The following RTN1 variants were observed in gnomAD, a reference collection of about 807,000 sequenced individuals.
RTN1 encodes reticulon 1.
In RTN1, 25 loss-of-function variants were observed where a neutral mutation model predicts 65.5. The observed-to-expected ratio is 0.38, with a 90% confidence interval of 0.28 to 0.53. RTN1 has a LOEUF of 0.53. Among genes scored for constraint, RTN1 ranks in the 20% least tolerant of loss-of-function variants. RTN1 has a pLI of 0.79. For missense variants in RTN1, 983 were observed against 1,025.4 expected (o/e 0.96, Z 0.57); for synonymous variants, 471 against 447.6 (o/e 1.05, Z -0.66).
intron 1 of RTN1, among the ~76,000 whole-genome samples, chr14:59,861,775 T>C (rs1409002817): frequency 6.6e-6 from 1 of 152,240 alleles, no homozygotes; most frequent in Non-Finnish European, 1.5e-5. Context: ...GTTCTTCTAG[T>C]ATTTAACATT....
intron 3 of RTN1, among the ~76,000 whole-genome samples, chr14:59,613,871 A>T (rs1882031366): frequency 6.6e-6 from 1 of 152,088 alleles, no homozygotes; most frequent in Non-Finnish European, 1.5e-5. Flanking sequence ...AATCCCTCTC[A>T]AAATTAAAGG....
At position 59,854,518 on chromosome 14, in the gene RTN1, G is replaced by A. The variant is rs189517961; in HGVS notation, c.241+15872C>T. 5.9e-4 allele frequency among the ~76,000 whole-genome samples: 89 copies of A among 151,682 alleles called. 1 individual carries two copies. The Middle Eastern group carries it at 0.02, about 35-fold the overall frequency. ...TAGCTGGGTGTGGTGGCACCTGCCT[G>A]TAATCCCAGCTACTCGGGAGGCTGA... On this transcript the variant is annotated intron_variant, in intron 1 of 8. Transcript: ENST00000267484.
intron 3 of RTN1, among the ~76,000 whole-genome samples, chr14:59,721,027 G>A (rs973573320): frequency 6.6e-6 from 1 of 151,850 alleles, no homozygotes; most frequent in Non-Finnish European, 1.5e-5. Flanking sequence ...AGAATTATGA[G>A]AAGAAAGTAA....
At chr14:59,820,237 GT>G (rs1005162933) in intron 1 of RTN1, among the ~76,000 whole-genome samples, 176 of 141,196 alleles carry the variant, frequency 1.2e-3, no homozygotes, top group Middle Eastern at 3.8e-3. Flanking sequence ...TTTTAATGGG[GT>G]TTTTTTTTTT....
intron 3 of RTN1, among the ~76,000 whole-genome samples, chr14:59,642,674 C>A (rs1422396713): frequency 6.6e-6 from 1 of 152,096 alleles, no homozygotes; most frequent in Non-Finnish European, 1.5e-5. Context: ...TAAATAGTTT[C>A]CATGTCTCTG....
chr14:59,838,566 A>T (rs1887254620), intron 1 of RTN1, among the ~76,000 whole-genome samples: 1 of 152,226 alleles, frequency 6.6e-6, no homozygotes, highest in Non-Finnish European at 1.5e-5. Context: ...TAATGATGTC[A>T]GAAGATGTTG....
intron 3 of RTN1, among the ~76,000 whole-genome samples, chr14:59,697,789 A>C (rs1884093868): frequency 6.6e-6 from 1 of 152,182 alleles, no homozygotes; most frequent in Admixed American, 6.5e-5. Context: ...GCTGACAAAC[A>C]GGTGATGTGT....
At chr14:59,807,626 C>A (rs146643722) in intron 1 of RTN1, among the ~76,000 whole-genome samples, 42 of 152,286 alleles carry the variant, frequency 2.8e-4, no homozygotes, top group African/African-American at 9.4e-4. Flanking sequence ...ACTGAGGTTT[C>A]CCACAAGGAG....
chr14:59,727,187 C>T lies in RTN1; in HGVS notation c.1497G>A (p.Arg499=), dbSNP rs1377833330. 1.3e-6 allele frequency: 2 copies of T among 1,586,988 alleles called. No individual in the cohort carries two copies. Among genetic ancestry groups the T allele is most frequent in the South Asian group, 2.3e-5 (2 of 87,534 alleles). ...CCTCGGCCCGGACGCCAGTCTCCTC[C>T]CGGATGGCATCCAGGGCGCTGGGCT... ...PMKPSALDAI[R]EETGVRAEER... Residue 499 remains arginine, a synonymous_variant, in exon 3 of 9, where the codon CGG becomes CGA. Coordinates refer to ENST00000267484, the MANE Select transcript of RTN1 (RefSeq NM_021136.3). This position sits in a 1 kb window ranked among gnomAD's most constrained non-coding sequence, Gnocchi z 4.2.
intron 1 of RTN1, among the ~76,000 whole-genome samples, chr14:59,796,965 AAAG>A (rs1341014185): frequency 6.6e-6 from 1 of 152,190 alleles, no homozygotes; most frequent in Non-Finnish European, 1.5e-5. Context: ...TTAATCAATA[AAAG>A]ATCAGGTATG....
At chr14:59,637,071 T>C (rs1882680725) in intron 3 of RTN1, among the ~76,000 whole-genome samples, 2 of 152,354 alleles carry the variant, frequency 1.3e-5, no homozygotes, top group East Asian at 3.9e-4. Flanking sequence ...TAGCACACAA[T>C]GTTGTTCGAG....
intron 1 of RTN1, among the ~76,000 whole-genome samples, chr14:59,772,198 T>C (rs1566721858): frequency 6.6e-6 from 1 of 152,228 alleles, no homozygotes; most frequent in Non-Finnish European, 1.5e-5. Flanking sequence ...TTTTATATAA[T>C]GTAATTGGCT....
chr14:59,744,905 C>T (rs942906451), intron 2 of RTN1, among the ~76,000 whole-genome samples: 5 of 152,170 alleles, frequency 3.3e-5, no homozygotes, highest in Non-Finnish European at 5.9e-5. Context: ...CCTTCCAAAA[C>T]TCATGTTTAA....
At chr14:59,792,359 TCACACACACA>T (rs34220909) in intron 1 of RTN1, among the ~76,000 whole-genome samples, 2,432 of 144,886 alleles carry the variant, frequency 0.017, 57 homozygotes, top group African/African-American at 0.057. Context: ...AGAAAAGACT[TCACACACACA>T]CACACACACA....
chr14:59,783,278 C>T (rs957289924), intron 1 of RTN1, among the ~76,000 whole-genome samples: 23 of 152,036 alleles, frequency 1.5e-4, no homozygotes, highest in Middle Eastern at 3.2e-3. Flanking sequence ...AATATAAACA[C>T]CAAAATTTTG....
intron 3 of RTN1, among the ~76,000 whole-genome samples, chr14:59,714,412 T>G (rs1884490382): frequency 6.6e-6 from 1 of 152,104 alleles, no homozygotes; most frequent in Non-Finnish European, 1.5e-5. Flanking sequence ...TGGAAGGAAT[T>G]TTTTGTTGTT....
intron 1 of RTN1, among the ~76,000 whole-genome samples, chr14:59,781,486 T>A (rs1288849151): frequency 6.6e-6 from 1 of 152,014 alleles, no homozygotes; most frequent in Non-Finnish European, 1.5e-5. Flanking sequence ...TTTGCCTAGC[T>A]CTAATTGGGA....
At chr14:59,701,033 G>A (rs918242993) in intron 3 of RTN1, among the ~76,000 whole-genome samples, 36 of 152,002 alleles carry the variant, frequency 2.4e-4, no homozygotes, top group African/African-American at 7.0e-4. Context: ...AAGAAAATCC[G>A]CCTAATGTAA....
At chr14:59,810,079 C>A (rs749952932) in intron 1 of RTN1, among the ~76,000 whole-genome samples, 2 of 152,164 alleles carry the variant, frequency 1.3e-5, no homozygotes, top group African/African-American at 4.8e-5. Context: ...GGGTCTCTTG[C>A]AATTCCATAT....
Sources: allele counts gnomAD v4.1 joint callset (sites outside exome capture counted in the v4.1 genomes callset), GRCh38; gene constraint gnomAD v4.1.1; non-coding constraint Gnocchi (gnomAD v3.1); transcripts MANE v1.5; gene names NCBI Gene and HGNC (gene_info 2026-07-23, HGNC 2026-07-21).